The following PDE12 variants were observed in gnomAD, a reference collection of about 807,000 sequenced individuals.
PDE12 encodes the protein 2',5'-phosphodiesterase 12.
Under a neutral mutation model 45.4 loss-of-function variants are expected in PDE12, and 26 were observed. The observed-to-expected ratio is 0.57, with a 90% CI of 0.42 to 0.79. PDE12 has a LOEUF of 0.79. Among genes scored for constraint, PDE12 ranks in the 30% least tolerant of loss-of-function variants. The pLI is 0.00. For synonymous variants in PDE12, 283 were observed against 323.9 expected (o/e 0.87, Z 1.36); for missense variants, 668 against 790.0 (o/e 0.85, Z 1.85).
the PDE12 span, among the ~76,000 whole-genome samples, chr3:57,651,865 A>C: frequency 6.6e-6 from 1 of 152,130 alleles, no homozygotes; most frequent in Non-Finnish European, 1.5e-5. Flanking sequence ...CTATTGAATA[A>C]AACAAGAAAT....
the PDE12 span, among the ~76,000 whole-genome samples, chr3:57,574,405 C>G: frequency 9.4e-6 from 1 of 106,802 alleles, no homozygotes. Context: ...TAGAGAAGTA[C>G]AAATTTTTTT....
downstream of PDE12, among the ~76,000 whole-genome samples, chr3:57,568,342 C>A (rs1170272643): frequency 1.3e-5 from 2 of 151,950 alleles, no homozygotes; most frequent in East Asian, 3.9e-4. Flanking sequence ...GTAGTCCCAG[C>A]TATGTGGGAG....
At chr3:57,614,523 GTTTTTTTTTTTTTGTTTTTTGTTTTTTTT>G in the PDE12 span, among the ~76,000 whole-genome samples, 1 of 132,028 alleles carries the variant, frequency 7.6e-6, no homozygotes, top group East Asian at 2.2e-4. Context: ...CCTGTAATCC[GTTTTTTTTTTTTTGTTTTTTGTTTTTTTT>G]TTTTTTTTTT....
At chr3:57,591,464 T>C in the PDE12 span, among the ~76,000 whole-genome samples, 2 of 147,162 alleles carry the variant, frequency 1.4e-5, no homozygotes, top group Non-Finnish European at 3.0e-5. Flanking sequence ...TTCTTCTCTT[T>C]TCTTTTCTTT....
At chr3:57,630,860 A>T in the PDE12 span, 1 of 1,610,594 alleles carries the variant, frequency 6.2e-7, no homozygotes, top group Non-Finnish European at 8.5e-7. Flanking sequence ...AGAAATTAGG[A>T]GTGGATATGT....
Position 57,565,275 on chromosome 3 carries a change from C to T in PDE12, c.*5271C>T, listed in dbSNP as rs1380638951. On this transcript the variant is annotated 3_prime_UTR_variant, in exon 3 of 3. Transcript: ENST00000311180. ...AAGTACTGGGATTATAGGTGTGAGCCAGCACACATAGCCCTTTTTTTAAAA... is the reference window on the plus strand; with the variant it reads ...AAGTACTGGGATTATAGGTGTGAGCTAGCACACATAGCCCTTTTTTTAAAA... The T allele has an allele frequency of 6.6e-6, 1 of 152,144 alleles. No homozygotes were observed. Among genetic ancestry groups the T allele is most frequent in the Non-Finnish European group, 1.5e-5 (1 of 68,032 alleles). 9.4% of individuals were successfully genotyped at this position (152,144 alleles called of 1,614,324 possible).
chr3:57,651,466 T>C, the PDE12 span, among the ~76,000 whole-genome samples: 2 of 152,008 alleles, frequency 1.3e-5, no homozygotes, highest in Admixed American at 6.6e-5. Context: ...AACAGGCAAG[T>C]CCATAGAGAC....
At chr3:57,601,778 T>G in the PDE12 span, among the ~76,000 whole-genome samples, 8 of 148,372 alleles carry the variant, frequency 5.4e-5, no homozygotes, top group African/African-American at 2.0e-4. Flanking sequence ...ACAGTCTCGC[T>G]GTGTCACCCA....
At chr3:57,642,566 T>A in the PDE12 span, among the ~76,000 whole-genome samples, 1 of 152,020 alleles carries the variant, frequency 6.6e-6, no homozygotes, top group African/African-American at 2.4e-5. Context: ...GCAGAAAGGA[T>A]GAATAGTCAG....
the PDE12 span, among the ~76,000 whole-genome samples, chr3:57,633,773 C>T: frequency 6.6e-5 from 10 of 151,830 alleles, no homozygotes; most frequent in African/African-American, 9.7e-5. Context: ...ACCTGTAATC[C>T]CAGCTACTTG....
the PDE12 span, chr3:57,584,032 G>T: frequency 7.0e-7 from 1 of 1,429,272 alleles, no homozygotes; most frequent in East Asian, 2.3e-5. Context: ...AAAAATGACC[G>T]CTGTGCAGCG....
the PDE12 span, among the ~76,000 whole-genome samples, chr3:57,642,537 T>G: frequency 6.6e-6 from 1 of 152,118 alleles, no homozygotes; most frequent in East Asian, 1.9e-4. Flanking sequence ...ACACAGAGTT[T>G]AGCATTCCTG....
At chr3:57,627,597 T>C in the PDE12 span, 5 of 152,344 alleles carry the variant, frequency 3.3e-5, no homozygotes, top group African/African-American at 1.2e-4. Flanking sequence ...AAACCCATCA[T>C]GTCTATTAAT....
chr3:57,618,631 A>ATTT, the PDE12 span, among the ~76,000 whole-genome samples: 1 of 21,784 alleles, frequency 4.6e-5, no homozygotes, highest in Non-Finnish European at 1.9e-4. Flanking sequence ...TTTTTTTGAG[A>ATTT]TGGAGTTTCG....
the PDE12 span, among the ~76,000 whole-genome samples, chr3:57,620,195 C>G: frequency 1.3e-5 from 2 of 152,082 alleles, no homozygotes; most frequent in African/African-American, 4.8e-5. Context: ...GCACTCCAGC[C>G]TGGGTGACAG....
the PDE12 span, among the ~76,000 whole-genome samples, chr3:57,601,914 T>A: frequency 8.6e-5 from 13 of 150,614 alleles, no homozygotes; most frequent in Non-Finnish European, 3.0e-5. Flanking sequence ...CCGGCTAATT[T>A]TTTTTTTTTT....
At chr3:57,620,397 G>A in the PDE12 span, among the ~76,000 whole-genome samples, 1 of 151,378 alleles carries the variant, frequency 6.6e-6, no homozygotes, top group African/African-American at 2.4e-5. Context: ...AAAAAAAAAA[G>A]GTTTTAAAAA....
the PDE12 span, among the ~76,000 whole-genome samples, chr3:57,599,334 G>T: frequency 2.0e-5 from 3 of 152,184 alleles, no homozygotes; most frequent in African/African-American, 4.8e-5. Context: ...AGGCAGGTTG[G>T]CCCTAAGCAG....
the PDE12 span, chr3:57,630,561 T>C: frequency 6.4e-7 from 1 of 1,559,748 alleles, no homozygotes; most frequent in Non-Finnish European, 8.6e-7. Flanking sequence ...AGTTTGATTA[T>C]AACTTATTTC....
Sources: gnomAD v4.1 joint callset for allele counts (sites outside exome capture counted in the v4.1 genomes callset) on GRCh38, gnomAD v4.1.1 for gene constraint, MANE v1.5 for transcripts, NCBI Gene and HGNC (gene_info 2026-07-23, HGNC 2026-07-21) for gene names.